MSRA: variants seen among roughly 807,000 people sequenced by gnomAD.
MSRA encodes methionine sulfoxide reductase A, also known as mitochondrial peptide methionine sulfoxide reductase.
Under a neutral mutation model 31.3 loss-of-function variants are expected in MSRA, and 54 were observed. That is an observed-to-expected ratio of 1.73 (90% CI 1.39 to 2.17). The LOEUF (loss-of-function observed/expected upper bound fraction) is 2.17. Ranked by LOEUF, MSRA falls within the 30% of genes most tolerant of loss-of-function variation. The pLI is 0.00. For synonymous variants in MSRA, 169 were observed against 116.5 expected, an observed-to-expected ratio of 1.45 and a Z score of -2.90; for missense variants, 507 against 300.9, an observed-to-expected ratio of 1.69 and a Z score of -5.07.
chr8:10,395,680 A>T (rs1807052780), intron 5 of MSRA, among the ~76,000 whole-genome samples: 1 of 152,108 alleles, frequency 6.6e-6, no homozygotes, highest in Admixed American at 6.5e-5. Flanking sequence ...AATGCTGAGA[A>T]TGTCTGCACA....
intron 1 of MSRA, among the ~76,000 whole-genome samples, chr8:10,135,573 C>T (rs1335847030): frequency 6.6e-6 from 1 of 152,106 alleles, no homozygotes; most frequent in Non-Finnish European, 1.5e-5. Flanking sequence ...TAAATTTATA[C>T]TATGGTCAGG....
chr8:10,425,140 G>A (rs1472532403), intron 5 of MSRA, among the ~76,000 whole-genome samples: 1 of 152,094 alleles, frequency 6.6e-6, no homozygotes, highest in East Asian at 1.9e-4. Context: ...TTTTGGCGGT[G>A]GGTGGGGGGA....
intron 1 of MSRA, among the ~76,000 whole-genome samples, chr8:10,141,224 C>T (rs940498821): frequency 6.6e-6 from 1 of 152,200 alleles, no homozygotes; most frequent in East Asian, 1.9e-4. Context: ...TGTGCCAGGC[C>T]TGGTTCTGTG....
At chr8:10,226,929 C>G (rs964794250) in intron 2 of MSRA, among the ~76,000 whole-genome samples, 2 of 152,168 alleles carry the variant, frequency 1.3e-5, no homozygotes, top group Admixed American at 6.5e-5. Flanking sequence ...CCATGTCCAG[C>G]TAGCAACCAC....
intron 1 of MSRA, among the ~76,000 whole-genome samples, chr8:10,086,149 A>G (rs1004909478): frequency 9.9e-5 from 15 of 152,222 alleles, no homozygotes; most frequent in African/African-American, 3.6e-4. Context: ...TTATATTCCC[A>G]GCAGCAATGT....
chr8:10,351,809 C>T (rs919202278), intron 5 of MSRA, among the ~76,000 whole-genome samples: 3 of 152,150 alleles, frequency 2.0e-5, no homozygotes, highest in Non-Finnish European at 4.4e-5. Flanking sequence ...AATGCAGATT[C>T]GGATACAGCA....
intron 1 of MSRA, among the ~76,000 whole-genome samples, chr8:10,197,300 T>C (rs1186262641): frequency 6.6e-6 from 1 of 152,188 alleles, no homozygotes; most frequent in East Asian, 1.9e-4. Flanking sequence ...ATGTGGCAAT[T>C]AATAAAAGTA....
chr8:10,233,563 G>A lies in MSRA; in HGVS notation c.212-11541G>A, dbSNP rs184420376. Reference sequence around the variant, plus strand: ...TAGCTACTGAAATAATTCCATACCTGGAACTCTTAGATTGAACCCAGTTGA... The same window carrying A: ...TAGCTACTGAAATAATTCCATACCTAGAACTCTTAGATTGAACCCAGTTGA... On this transcript the variant is annotated intron_variant, in intron 2 of 5. Transcript: ENST00000317173. Among the ~76,000 whole-genome samples, 6 of 152,246 alleles carry A rather than the reference G, an allele frequency of 3.9e-5. No homozygotes were observed. In the East Asian group the frequency reaches 1.2e-3, roughly 29 times the overall value.
intron 1 of MSRA, among the ~76,000 whole-genome samples, chr8:10,159,679 A>AG (rs1281461323): frequency 6.6e-6 from 1 of 152,124 alleles, no homozygotes; most frequent in Non-Finnish European, 1.5e-5. Flanking sequence ...GGGAGAGGGG[A>AG]GGGGGTTGCC....
chr8:10,100,605 A>C (rs1398041645), intron 1 of MSRA, among the ~76,000 whole-genome samples: 2 of 152,148 alleles, frequency 1.3e-5, no homozygotes, highest in African/African-American at 4.8e-5. Context: ...ATTTAGATCA[A>C]GTGAAAGAAA....
At chr8:10,206,163 G>A (rs931008947) in intron 1 of MSRA, among the ~76,000 whole-genome samples, 1 of 152,184 alleles carries the variant, frequency 6.6e-6, no homozygotes, top group Non-Finnish European at 1.5e-5. Context: ...ACAGGGCTGT[G>A]AGGCAAGAAC....
At chr8:10,356,371 A>G (rs1206752178) in intron 5 of MSRA, among the ~76,000 whole-genome samples, 1 of 152,218 alleles carries the variant, frequency 6.6e-6, no homozygotes, top group East Asian at 1.9e-4. Flanking sequence ...CAACCTTGTT[A>G]CTGCATAACT....
chr8:10,076,087 C>T (rs1252019571), intron 1 of MSRA, among the ~76,000 whole-genome samples: 2 of 103,872 alleles, frequency 1.9e-5, no homozygotes, highest in Admixed American at 9.8e-5. Context: ...GCGTCATGTG[C>T]TTACTGGCTG....
At chr8:10,179,908 G>A (rs1319437590) in intron 1 of MSRA, among the ~76,000 whole-genome samples, 1 of 152,154 alleles carries the variant, frequency 6.6e-6, no homozygotes, top group African/African-American at 2.4e-5. Context: ...TGTTCTAAGT[G>A]GGAAAACTGT....
intron 1 of MSRA, among the ~76,000 whole-genome samples, chr8:10,063,572 G>A (rs531436575): frequency 6.6e-6 from 1 of 152,302 alleles, no homozygotes; most frequent in East Asian, 1.9e-4. Flanking sequence ...CAGGTGATGG[G>A]GGATTAGGAG....
chr8:10,328,203 C>T (rs1802487129), intron 5 of MSRA, among the ~76,000 whole-genome samples: 1 of 150,612 alleles, frequency 6.6e-6, no homozygotes, highest in Non-Finnish European at 1.5e-5. Flanking sequence ...TGATTATTGC[C>T]ACCCCCTGTA....
intron 1 of MSRA, among the ~76,000 whole-genome samples, chr8:10,172,369 A>T (rs921151276): frequency 6.6e-6 from 1 of 152,114 alleles, no homozygotes; most frequent in Admixed American, 6.5e-5. Flanking sequence ...TAGGAAGGAC[A>T]TGGCTCCTGG....
At position 10,056,602 on chromosome 8, in the gene MSRA, A is replaced by T. The variant is rs796765612; in HGVS notation, c.142+1944A>T. Among the ~76,000 whole-genome samples, 29 of 149,704 alleles carry T rather than the reference A, an allele frequency of 1.9e-4. 2 individuals are homozygous for T. The highest frequency in any genetic ancestry group is 7.1e-4 in the African/African-American group (29 of 40,640). On this transcript the variant is annotated intron_variant, in intron 1 of 5. Coordinates refer to ENST00000317173, the MANE Select transcript of MSRA (RefSeq NM_012331.5). ...TTGTTCATCTATTGTAACTTTTTCC[A>T]CAAAAAGTGTGTGAAATTTAGATTG...
At chr8:10,427,576 C>A (rs11250007) in intron 5 of MSRA, among the ~76,000 whole-genome samples, 2 of 151,992 alleles carry the variant, frequency 1.3e-5, no homozygotes, top group African/African-American at 2.4e-5. Context: ...TCCTTCTCCC[C>A]AGAGCCACAG....
Sources: gnomAD v4.1 joint callset for allele counts (sites outside exome capture counted in the v4.1 genomes callset) on GRCh38, gnomAD v4.1.1 for gene constraint, MANE v1.5 for transcripts, NCBI Gene and HGNC (gene_info 2026-07-23, HGNC 2026-07-21) for gene names.